Variants in CASS4 observed in about 807,000 individuals in gnomAD.
CASS4 encodes Cas scaffold protein family member 4.
A neutral mutation model predicts 54.2 loss-of-function variants in CASS4; 22 were observed. The observed-to-expected ratio is 0.41, with a 90% CI of 0.29 to 0.58. The LOEUF is 0.58. Among genes scored for constraint, CASS4 ranks in the 20% least tolerant of loss-of-function variants. The pLI, the probability that CASS4 is intolerant of heterozygous loss-of-function variation, is 0.36. For missense variants in CASS4, 854 were observed against 986.7 expected, an observed-to-expected ratio of 0.87 and a Z score of 1.80; for synonymous variants, 409 against 391.5, an observed-to-expected ratio of 1.04 and a Z score of -0.53.
chr20:56,456,094 C>CT (rs397715320), intron 5 of CASS4, among the ~76,000 whole-genome samples: 6 of 151,592 alleles, frequency 4.0e-5, no homozygotes, highest in African/African-American at 1.2e-4. Flanking sequence ...GGAAAGCCCC[C>CT]GCTTTAGACT....
rs899570827 is a variant in CASS4 at position 56,412,805 on chromosome 20, G to A, written c.36+311G>A. Among the ~76,000 whole-genome samples, 5 of 152,066 alleles carry A rather than the reference G, an allele frequency of 3.3e-5. No homozygotes were observed. Among genetic ancestry groups the A allele is most frequent in the East Asian group, 1.9e-4 (1 of 5,186 alleles). Reference sequence around the variant, plus strand: ...AAGATGCGAGTCTGCCTCAGCCCCCGCTAATTCCTTCTTTCTCTGGACCCC... The same window carrying A: ...AAGATGCGAGTCTGCCTCAGCCCCCACTAATTCCTTCTTTCTCTGGACCCC... On this transcript the variant is annotated intron_variant, in intron 1 of 5. Transcript: ENST00000679887. The surrounding 1 kb of genome is among the most constrained non-coding windows in gnomAD (Gnocchi z 4.2).
At position 56,450,631 on chromosome 20, in the gene CASS4, A is replaced by G; in HGVS notation, c.594A>G (p.Pro198=). Residue 198 remains proline, a synonymous_variant, in exon 4 of 6, where the codon CCA becomes CCG. Coordinates refer to ENST00000679887, the MANE Select transcript of CASS4 (RefSeq NM_020356.4). The part of the protein sequence containing the change: ...EPEKQQLYDI[P]ASPKKAGLHP... Reference sequence around the variant, plus strand: ...AGAAGCAGCAGTTATATGACATACCAGCCAGCCCCAAGAAGGCAGGACTCC... The same window carrying G: ...AGAAGCAGCAGTTATATGACATACCGGCCAGCCCCAAGAAGGCAGGACTCC... 6.2e-7 allele frequency: 1 copy of G among 1,614,192 alleles called. No homozygotes were observed. The highest frequency in any genetic ancestry group is 8.5e-7 in the Non-Finnish European group (1 of 1,180,024).
intron 1 of CASS4, among the ~76,000 whole-genome samples, chr20:56,423,498 C>A (rs2146267183): frequency 6.6e-6 from 1 of 152,210 alleles, no homozygotes; most frequent in Middle Eastern, 3.4e-3. Context: ...AAGTTATATT[C>A]TATTCTATTA....
intron 1 of CASS4, among the ~76,000 whole-genome samples, chr20:56,426,545 C>G (rs2146270101): frequency 6.6e-6 from 1 of 151,958 alleles, no homozygotes; most frequent in African/African-American, 2.4e-5. Context: ...TCTTCTTCTT[C>G]TTTTTTTTCC....
chr20:56,431,087 A>G (rs896731925), intron 1 of CASS4, among the ~76,000 whole-genome samples: 2 of 152,216 alleles, frequency 1.3e-5, no homozygotes, highest in African/African-American at 4.8e-5. Flanking sequence ...AGGTGAAAGA[A>G]TGGATGTGAG....
chr20:56,429,605 A>C (rs1244293057), intron 1 of CASS4, among the ~76,000 whole-genome samples: 2 of 151,856 alleles, frequency 1.3e-5, no homozygotes, highest in African/African-American at 4.8e-5. Flanking sequence ...ATGCGCCCCC[A>C]ACACATACAT....
intron 5 of CASS4, 149 bp from the exon 6 acceptor site, chr20:56,458,191 C>G: frequency 1.7e-6 from 1 of 598,010 alleles, no homozygotes; most frequent in Non-Finnish European, 2.9e-6. Context: ...ATTTGTTAGA[C>G]AACTGTTGCA....
rs11905250 is a variant in CASS4 at position 56,414,270 on chromosome 20, T to G, written c.36+1776T>G. 0.17 allele frequency among the ~76,000 whole-genome samples: 25,861 copies of G among 152,144 alleles called. 3,296 individuals carry two copies. Among genetic ancestry groups the G allele is most frequent in the African/African-American group, 0.36 (14,933 of 41,432 alleles). ...GTTTGTCTTTCTGATCCAGGTGGTGTTTGTCAATTCTCAGTTCTTAATCTA... is the reference window on the plus strand; with the variant it reads ...GTTTGTCTTTCTGATCCAGGTGGTGGTTGTCAATTCTCAGTTCTTAATCTA... On this transcript the variant is annotated intron_variant, in intron 1 of 5. Coordinates refer to ENST00000679887, the MANE Select transcript of CASS4 (RefSeq NM_020356.4). This position sits in a 1 kb window ranked among gnomAD's most constrained non-coding sequence, Gnocchi z 4.1.
intron 2 of CASS4, among the ~76,000 whole-genome samples, chr20:56,439,079 G>A (rs1241793575): frequency 6.6e-6 from 1 of 152,204 alleles, no homozygotes; most frequent in African/African-American, 2.4e-5. Flanking sequence ...TGGGGTAGGT[G>A]CTCAATACAT....
chr20:56,429,154 C>T (rs1023020264), intron 1 of CASS4, among the ~76,000 whole-genome samples: 4 of 152,170 alleles, frequency 2.6e-5, no homozygotes, highest in East Asian at 3.9e-4. Flanking sequence ...GCTTCTCTCC[C>T]GGCTCATCTA....
chr20:56,444,548 T>G (rs59487573), intron 2 of CASS4, among the ~76,000 whole-genome samples: 7,562 of 151,902 alleles, frequency 0.05, 595 homozygotes, highest in African/African-American at 0.17. Flanking sequence ...GCATTCCTAG[T>G]CCCCTCCTAG....
chr20:56,434,581 T>C (rs1980065181), intron 1 of CASS4, among the ~76,000 whole-genome samples: 1 of 151,396 alleles, frequency 6.6e-6, no homozygotes, highest in African/African-American at 2.4e-5. Context: ...GGTCTACAGG[T>C]GCACGCCACC....
intron 1 of CASS4, among the ~76,000 whole-genome samples, chr20:56,416,280 C>A (rs184789605): frequency 6.6e-5 from 10 of 152,260 alleles, no homozygotes; most frequent in Non-Finnish European, 1.3e-4. Flanking sequence ...GAACTCCTGA[C>A]CTCAAGTTAT....
At chr20:56,442,299 T>G (rs62209425) in intron 2 of CASS4, among the ~76,000 whole-genome samples, 78 of 151,820 alleles carry the variant, frequency 5.1e-4, no homozygotes, top group Admixed American at 5.2e-4. Context: ...ATCTTTAGAT[T>G]AGAACAACTC....
intron 1 of CASS4, among the ~76,000 whole-genome samples, chr20:56,415,535 C>T (rs1400072313): frequency 6.6e-6 from 1 of 152,220 alleles, no homozygotes; most frequent in Non-Finnish European, 1.5e-5. Flanking sequence ...CCAATACGTA[C>T]TGGTGTTCAG....
rs554893431 is a variant in CASS4, at chr20:56,456,966, G to A, written c.1954-1374G>A. Among the ~76,000 whole-genome samples the A allele has an allele frequency of 3.9e-5, 6 of 152,314 alleles. No individual in the cohort carries two copies. The East Asian group carries it at 1.2e-3, about 29-fold the overall frequency. On this transcript the variant is annotated intron_variant, in intron 5 of 5. Coordinates refer to ENST00000679887, the MANE Select transcript of CASS4 (RefSeq NM_020356.4). ...CTCCCAAAGTGCTGGGATTACAGGT[G>A]TGGGTCACTGCACTCAACCTGCTTC...
chr20:56,452,671 G>A lies in CASS4; in HGVS notation c.1495G>A (p.Gly499Arg), dbSNP rs1981091486. ...SVREFLDFAR[G>R]VHGTACNLTD... ...AAGAGAATTTCTGGATTTTGCCCGA[G>A]GAGTCCATGGGACTGCCTGTAACCT... Residue 499 changes from glycine to arginine, a missense_variant, in exon 5 of 6, where the codon GGA becomes AGA. Transcript: ENST00000679887. The A allele has an allele frequency of 2.5e-6, 4 of 1,614,174 alleles. No individual in the cohort carries two copies. Among genetic ancestry groups the A allele is most frequent in the African/African-American group, 2.7e-5 (2 of 75,046 alleles).
intron 1 of CASS4, among the ~76,000 whole-genome samples, chr20:56,433,125 G>A (rs928664467): frequency 6.6e-6 from 1 of 152,240 alleles, no homozygotes; most frequent in Non-Finnish European, 1.5e-5. Flanking sequence ...TGGAGCTTAC[G>A]TTCTTATGGG....
rs1023591643 is a variant in CASS4 at position 56,452,139 on chromosome 20, T to G, written c.963T>G (p.Phe321Leu). Residue 321 changes from phenylalanine (F) to leucine (L), a missense_variant, in exon 5 of 6, where the codon TTT becomes TTG. Coordinates refer to ENST00000679887, the MANE Select transcript of CASS4 (RefSeq NM_020356.4). Reference sequence around the variant, plus strand: ...GCTTTCTTGTACCCAGAGGCACATTTCCTTTGGATGAAGATGTCAGCTACA... The same window carrying G: ...GCTTTCTTGTACCCAGAGGCACATTGCCTTTGGATGAAGATGTCAGCTACA... ...SYGFLVPRGT[F>L]PLDEDVSYKV... is the part of the protein sequence containing the mutation. 6.2e-7 allele frequency: 1 copy of G among 1,614,070 alleles called. No individual in the cohort carries two copies. Among genetic ancestry groups the G allele is most frequent in the Non-Finnish European group, 8.5e-7 (1 of 1,180,040 alleles).
Sources: allele counts gnomAD v4.1 joint callset (sites outside exome capture counted in the v4.1 genomes callset), GRCh38; gene constraint gnomAD v4.1.1; non-coding constraint Gnocchi (gnomAD v3.1); transcripts MANE v1.5; gene names NCBI Gene and HGNC (gene_info 2026-07-23, HGNC 2026-07-21).